Variants in PARD3B observed in about 807,000 individuals in gnomAD.
PARD3B encodes the protein par-3 family cell polarity regulator beta.
In PARD3B, 103 loss-of-function variants were observed where a neutral mutation model predicts 130.2. That is an observed-to-expected ratio of 0.79 (90% CI 0.67 to 0.93). The LOEUF (loss-of-function observed/expected upper bound fraction) is 0.93. Ranked by LOEUF, PARD3B falls within the 40% of genes least tolerant of loss-of-function variation. The pLI is 0.00. For synonymous variants in PARD3B, 583 were observed against 553.2 expected, an observed-to-expected ratio of 1.05 and a Z score of -0.76; for missense variants, 1,609 against 1,499.2, an observed-to-expected ratio of 1.07 and a Z score of -1.21.
chr2:204,849,228 A>G (rs1478242519), intron 2 of PARD3B, among the ~76,000 whole-genome samples: 1 of 152,186 alleles, frequency 6.6e-6, no homozygotes, highest in Non-Finnish European at 1.5e-5. Context: ...TTTCAAGCAG[A>G]TAGAAAAATG....
At chr2:205,582,505 T>C (rs1575418340) in intron 22 of PARD3B, among the ~76,000 whole-genome samples, 1 of 152,154 alleles carries the variant, frequency 6.6e-6, no homozygotes, top group Admixed American at 6.5e-5. Flanking sequence ...GAAGCTGTGT[T>C]TGAGGTTCTC....
chr2:205,611,434 A>C lies in PARD3B; in HGVS notation c.3261-4022A>C, dbSNP rs982182178. ...CCAGCCCCCCTTTTGCTTAATGAAA[A>C]ATACTGACATACTGACATGGCAAAA... On this transcript the variant is annotated intron_variant, in intron 22 of 22. Transcript: ENST00000406610. Among the ~76,000 whole-genome samples the C allele has an allele frequency of 2.4e-4, 37 of 152,202 alleles. 1 individual carries two copies. The highest frequency in any genetic ancestry group is 2.4e-3 in the Admixed American group (36 of 15,282).
intron 21 of PARD3B, among the ~76,000 whole-genome samples, chr2:205,543,702 CAG>C (rs2052266239): frequency 6.6e-6 from 1 of 152,112 alleles, no homozygotes; most frequent in Non-Finnish European, 1.5e-5. Flanking sequence ...TGAAATGAGG[CAG>C]AGATGGAAAT....
At chr2:205,226,044 G>C (rs576289700) in intron 15 of PARD3B, among the ~76,000 whole-genome samples, 1 of 152,240 alleles carries the variant, frequency 6.6e-6, no homozygotes, top group South Asian at 2.1e-4. Flanking sequence ...ACCCAGGCTA[G>C]AGTGCAATGG....
intron 15 of PARD3B, 24 bp from the exon 16 acceptor site, chr2:205,245,754 G>A: frequency 6.4e-7 from 1 of 1,567,032 alleles, no homozygotes; most frequent in Non-Finnish European, 8.8e-7. Context: ...TCTGATCCTT[G>A]TCTCTTTTAT....
intron 18 of PARD3B, among the ~76,000 whole-genome samples, chr2:205,377,970 C>G (rs2105925346): frequency 6.6e-6 from 1 of 152,102 alleles, no homozygotes; most frequent in South Asian, 2.1e-4. Context: ...GTGGTTTCAC[C>G]ATGTTAGCCA....
At chr2:204,770,261 C>CT (rs2041305365) in intron 2 of PARD3B, among the ~76,000 whole-genome samples, 3 of 110,730 alleles carry the variant, frequency 2.7e-5, no homozygotes, top group Non-Finnish European at 5.5e-5. Flanking sequence ...TCGTTATGTA[C>CT]CCAGTAGTCA....
chr2:205,558,586 A>G lies in PARD3B; in HGVS notation c.3260+5183A>G, dbSNP rs1468815. Among the ~76,000 whole-genome samples the G allele has an allele frequency of 0.52, 78,962 of 151,876 alleles. 22,357 individuals are homozygous for G. The highest frequency in any genetic ancestry group is 0.73 in the Middle Eastern group (215 of 294). ...TATTTCCACTCAACCCACTCACACTATAGCCTCTTGCCCCAGGCTTCTGCC... is the reference window on the plus strand; with the variant it reads ...TATTTCCACTCAACCCACTCACACTGTAGCCTCTTGCCCCAGGCTTCTGCC... On this transcript the variant is annotated intron_variant, in intron 22 of 22. Transcript: ENST00000406610. The surrounding 1 kb of genome is among the most constrained non-coding windows in gnomAD (Gnocchi z 4.8).
chr2:205,345,719 A>G (rs540100532), intron 18 of PARD3B, among the ~76,000 whole-genome samples: 21 of 150,556 alleles, frequency 1.4e-4, no homozygotes, highest in African/African-American at 4.8e-4. Flanking sequence ...AAACCAGGGA[A>G]TCAAATAAAA....
intron 1 of PARD3B, among the ~76,000 whole-genome samples, chr2:204,638,787 A>G (rs1459202482): frequency 2.0e-5 from 3 of 152,190 alleles, no homozygotes; most frequent in Non-Finnish European, 4.4e-5. Flanking sequence ...ACCTGATGGA[A>G]ATGATGGCAT....
At chr2:205,512,261 T>C (rs568530862) in intron 21 of PARD3B, among the ~76,000 whole-genome samples, 25 of 152,336 alleles carry the variant, frequency 1.6e-4, no homozygotes, top group Non-Finnish European at 3.4e-4. Flanking sequence ...GGAGTGTTTA[T>C]GAAAGAGTGC....
At chr2:205,017,283 G>C (rs1257452931) in intron 3 of PARD3B, among the ~76,000 whole-genome samples, 2 of 152,116 alleles carry the variant, frequency 1.3e-5, no homozygotes, top group Non-Finnish European at 2.9e-5. Flanking sequence ...AGTAGTTACT[G>C]TTGCCATAAA....
At chr2:204,949,121 A>T (rs1370818254) in intron 2 of PARD3B, among the ~76,000 whole-genome samples, 3 of 152,196 alleles carry the variant, frequency 2.0e-5, no homozygotes, top group Non-Finnish European at 4.4e-5. Context: ...ATTTGGAGAT[A>T]TATTTCCATA....
At chr2:204,586,047 C>T (rs1045335554) in intron 1 of PARD3B, among the ~76,000 whole-genome samples, 2 of 152,170 alleles carry the variant, frequency 1.3e-5, no homozygotes, top group African/African-American at 4.8e-5. Context: ...GCTTTGCACC[C>T]AGTGGAGCTG....
At chr2:204,597,957 A>G (rs2033364951) in intron 1 of PARD3B, among the ~76,000 whole-genome samples, 1 of 152,178 alleles carries the variant, frequency 6.6e-6, no homozygotes, top group Non-Finnish European at 1.5e-5. Flanking sequence ...GTGCCTTCCT[A>G]TGTAGCACAT....
chr2:205,327,201 C>T (rs931101043), intron 18 of PARD3B, among the ~76,000 whole-genome samples: 5 of 152,172 alleles, frequency 3.3e-5, no homozygotes, highest in African/African-American at 4.8e-5. Context: ...TTGCTCATTT[C>T]TCCCTGAAAC....
At chr2:205,238,495 A>C (rs2039168981) in intron 15 of PARD3B, among the ~76,000 whole-genome samples, 1 of 152,230 alleles carries the variant, frequency 6.6e-6, no homozygotes, top group East Asian at 1.9e-4. Flanking sequence ...AAAATGTTTA[A>C]TGTTGTGTAG....
chr2:204,912,460 T>C (rs1158096246), intron 2 of PARD3B, among the ~76,000 whole-genome samples: 1 of 152,204 alleles, frequency 6.6e-6, no homozygotes, highest in Non-Finnish European at 1.5e-5. Flanking sequence ...TTGATTCTCA[T>C]AGTGATTTTA....
At chr2:204,926,661 C>A (rs150184437) in intron 2 of PARD3B, among the ~76,000 whole-genome samples, 18 of 152,022 alleles carry the variant, frequency 1.2e-4, no homozygotes, top group Admixed American at 3.9e-4. Context: ...GTCTTCATAG[C>A]AGTTTTGAAG....
Sources: gnomAD v4.1 joint callset for allele counts (sites outside exome capture counted in the v4.1 genomes callset) on GRCh38, gnomAD v4.1.1 for gene constraint, Gnocchi (gnomAD v3.1) non-coding constraint, MANE v1.5 for transcripts, NCBI Gene and HGNC (gene_info 2026-07-23, HGNC 2026-07-21) for gene names.